The following MICU1 variants were observed in gnomAD, a reference collection of about 807,000 sequenced individuals.
The protein encoded by MICU1 is mitochondrial calcium uptake 1.
A neutral mutation model predicts 56.8 loss-of-function variants in MICU1; 45 were observed. The observed-to-expected ratio is 0.79, with a 90% CI of 0.62 to 1.02. The LOEUF (loss-of-function observed/expected upper bound fraction) is 1.02. Among genes scored for constraint, MICU1 ranks in the 50% least tolerant of loss-of-function variants. The probability of loss-of-function intolerance (pLI) is 0.00; values close to 1 mark genes in which losing one functional copy is unlikely to be tolerated. For synonymous variants in MICU1, 186 were observed against 195.1 expected (o/e 0.95, Z 0.39); for missense variants, 504 against 587.1 (o/e 0.86, Z 1.46).
chr10:72,537,586 T>C (rs1839667530), intron 4 of MICU1, among the ~76,000 whole-genome samples: 1 of 152,210 alleles, frequency 6.6e-6, no homozygotes, highest in Non-Finnish European at 1.5e-5. Flanking sequence ...ATGCTCATAG[T>C]GTGATATAAA....
chr10:72,590,818 A>G (rs1196810763), intron 1 of MICU1, among the ~76,000 whole-genome samples: 4 of 144,556 alleles, frequency 2.8e-5, no homozygotes, highest in Non-Finnish European at 6.2e-5. Context: ...GTCTCAAAAA[A>G]TAAAATAAAT....
intron 10 of MICU1, among the ~76,000 whole-genome samples, chr10:72,376,368 A>G (rs1039680774): frequency 6.6e-6 from 1 of 151,980 alleles, no homozygotes; most frequent in Non-Finnish European, 1.5e-5. Flanking sequence ...GCTACAGTTT[A>G]GGAGGTATAT....
At chr10:72,606,762 C>T (rs751499602) in intron 1 of MICU1, among the ~76,000 whole-genome samples, 2 of 151,980 alleles carry the variant, frequency 1.3e-5, no homozygotes, top group Admixed American at 6.6e-5. Context: ...TCCTGTGCAA[C>T]CAACCATGTG....
chr10:72,408,957 G>A (rs879505949), intron 9 of MICU1, among the ~76,000 whole-genome samples: 4 of 151,876 alleles, frequency 2.6e-5, no homozygotes, highest in Middle Eastern at 3.4e-3. Context: ...TTTCAAAAAC[G>A]GTTTAAAGAT....
chr10:72,393,739 A>G (rs957227485), intron 10 of MICU1, among the ~76,000 whole-genome samples: 1 of 151,924 alleles, frequency 6.6e-6, no homozygotes, highest in African/African-American at 2.4e-5. Flanking sequence ...AGTGAGACTA[A>G]GGAATCAAGG....
chr10:72,403,121 T>TA (rs948367660), intron 10 of MICU1, among the ~76,000 whole-genome samples: 1 of 152,120 alleles, frequency 6.6e-6, no homozygotes, highest in Non-Finnish European at 1.5e-5. Context: ...CTGACGCCTG[T>TA]AATCCCAGCA....
chr10:72,620,568 A>G (rs1589397601), intron 1 of MICU1, among the ~76,000 whole-genome samples: 1 of 152,186 alleles, frequency 6.6e-6, no homozygotes, highest in African/African-American at 2.4e-5. Flanking sequence ...ACTGTTGAGG[A>G]TATCTTTTTC....
chr10:72,491,832 T>C (rs1197202829), intron 6 of MICU1, among the ~76,000 whole-genome samples: 1 of 152,040 alleles, frequency 6.6e-6, no homozygotes, highest in Non-Finnish European at 1.5e-5. Flanking sequence ...ACTAGTAAAA[T>C]GAACTTTTGG....
At chr10:72,471,214 AG>A (rs1249734441) in intron 8 of MICU1, among the ~76,000 whole-genome samples, 2 of 152,104 alleles carry the variant, frequency 1.3e-5, no homozygotes, top group Non-Finnish European at 2.9e-5. Flanking sequence ...CCTCCCAAGT[AG>A]CTGGGACTAC....
chr10:72,588,326 GT>G (rs11440516), intron 1 of MICU1, among the ~76,000 whole-genome samples: 1,861 of 148,298 alleles, frequency 0.013, 8 homozygotes, highest in Middle Eastern at 0.017. Flanking sequence ...CCAGTCTGAG[GT>G]TTTTTTTTTT....
intron 8 of MICU1, among the ~76,000 whole-genome samples, chr10:72,433,860 T>C (rs1056756383): frequency 6.6e-6 from 1 of 152,244 alleles, no homozygotes; most frequent in African/African-American, 2.4e-5. Flanking sequence ...TTCCTCAATA[T>C]CAATCAATGA....
chr10:72,562,641 A>C, intron 3 of MICU1: 2 of 303,786 alleles, frequency 6.6e-6, no homozygotes, highest in Non-Finnish European at 6.0e-6. Flanking sequence ...AAAAAGAATC[A>C]CCTTAGGCAG....
intron 5 of MICU1, among the ~76,000 whole-genome samples, chr10:72,514,010 C>T (rs1867568377): frequency 6.6e-6 from 1 of 151,074 alleles, no homozygotes. Context: ...GTCTCTTCAG[C>T]TCTGTGCATT....
At chr10:72,545,884 G>A (rs1400903204) in intron 4 of MICU1, among the ~76,000 whole-genome samples, 1 of 152,194 alleles carries the variant, frequency 6.6e-6, no homozygotes, top group Non-Finnish European at 1.5e-5. Flanking sequence ...GTCATGTGAT[G>A]CTATACTAGT....
chr10:72,447,251 G>A (rs931056786), intron 8 of MICU1, among the ~76,000 whole-genome samples: 4 of 152,144 alleles, frequency 2.6e-5, no homozygotes, highest in Non-Finnish European at 5.9e-5. Context: ...AAATGCTTCC[G>A]ATTCACTCTC....
At chr10:72,615,849 G>A (rs1007314822) in intron 1 of MICU1, among the ~76,000 whole-genome samples, 4 of 152,090 alleles carry the variant, frequency 2.6e-5, no homozygotes, top group African/African-American at 7.2e-5. Flanking sequence ...AATTAGCCGG[G>A]CGTGCGGCAT....
chr10:72,573,790 AG>A, intron 1 of MICU1, among the ~76,000 whole-genome samples: 1 of 152,184 alleles, frequency 6.6e-6, no homozygotes, highest in East Asian at 1.9e-4. Flanking sequence ...CCCCTCAGCC[AG>A]GAACTGTCAC....
intron 3 of MICU1, among the ~76,000 whole-genome samples, chr10:72,558,958 C>T (rs1268871570): frequency 2.0e-5 from 3 of 152,122 alleles, no homozygotes; most frequent in Admixed American, 6.6e-5. Context: ...TTCGAGACTG[C>T]GGTGAGCTTT....
chr10:72,382,159 G>A (rs1455251094), intron 10 of MICU1, among the ~76,000 whole-genome samples: 1 of 151,584 alleles, frequency 6.6e-6, no homozygotes, highest in Non-Finnish European at 1.5e-5. Context: ...CGCCCAGGCT[G>A]GAGTGCAGTG....
Sources: allele counts gnomAD v4.1 joint callset (sites outside exome capture counted in the v4.1 genomes callset), GRCh38; gene constraint gnomAD v4.1.1; transcripts MANE v1.5; gene names NCBI Gene and HGNC (gene_info 2026-07-23, HGNC 2026-07-21).